The following BLACAT1 variants were observed in gnomAD, a reference collection of about 807,000 sequenced individuals.
The protein encoded by BLACAT1 is BLACAT1 overlapping LEMD1 locus.
At position 205,453,846 on chromosome 1, in the gene BLACAT1, T is replaced by C. The variant is rs538017574; in HGVS notation, c.-37+2071A>G. On this transcript the variant is annotated intron_variant, in intron 1 of 1. Coordinates refer to ENST00000629624, the Ensembl canonical transcript of BLACAT1. The stretch of plus-strand genomic sequence containing the variant: ...TTTTGCCTCTCAGCCAATAAAGCTG[T>C]TAAAGAAAAATATAAGAATGGGTCA... Among the ~76,000 whole-genome samples, 21 of 152,212 alleles carry C rather than the reference T, an allele frequency of 1.4e-4. 1 individual carries two copies. Among genetic ancestry groups the C allele is most frequent in the African/African-American group, 5.1e-4 (21 of 41,540 alleles).
At chr1:205,446,197 A>T (rs1333408666) in intron 1 of BLACAT1, among the ~76,000 whole-genome samples, 1 of 152,230 alleles carries the variant, frequency 6.6e-6, no homozygotes, top group Non-Finnish European at 1.5e-5. Flanking sequence ...ATACAATCAC[A>T]TATCTTCTCC....
intron 1 of BLACAT1, among the ~76,000 whole-genome samples, chr1:205,449,551 G>GA (rs1325269297): frequency 6.6e-6 from 1 of 152,094 alleles, no homozygotes; most frequent in East Asian, 1.9e-4. Context: ...CACTGGACAG[G>GA]AATCCTGCAT....
At chr1:205,447,174 G>T (rs1171933206) in intron 1 of BLACAT1, among the ~76,000 whole-genome samples, 1 of 152,210 alleles carries the variant, frequency 6.6e-6, no homozygotes, top group African/African-American at 2.4e-5. Context: ...GTGGGTTCAC[G>T]TCCCAGTTGT....
chr1:205,445,188 C>G (rs1666363172), intron 1 of BLACAT1, among the ~76,000 whole-genome samples: 1 of 152,088 alleles, frequency 6.6e-6, no homozygotes, highest in Non-Finnish European at 1.5e-5. Flanking sequence ...CCCACCTCCT[C>G]CCTCTCCCTC....
rs1270644352 is a variant in BLACAT1 at position 205,450,231 on chromosome 1, G to C, written c.-37+5686C>G. ...CTGGTCGGTGAAGCACAAACCTCTTGTATCTACTGGCTTTTGATCTCACTC... is the reference window on the plus strand; with the variant it reads ...CTGGTCGGTGAAGCACAAACCTCTTCTATCTACTGGCTTTTGATCTCACTC... On this transcript the variant is annotated intron_variant, in intron 1 of 1. Coordinates refer to ENST00000629624, the Ensembl canonical transcript of BLACAT1. The surrounding 1 kb of genome is among the most constrained non-coding windows in gnomAD (Gnocchi z 4.4). Among the ~76,000 whole-genome samples the C allele has an allele frequency of 6.6e-6, 1 of 151,936 alleles. No homozygotes were observed. Among genetic ancestry groups the C allele is most frequent in the South Asian group, 2.1e-4 (1 of 4,796 alleles).
At chr1:205,439,974 G>A (rs1666266231) in exon 2 of BLACAT1, among the ~76,000 whole-genome samples, 1 of 152,074 alleles carries the variant, frequency 6.6e-6, no homozygotes, top group African/African-American at 2.4e-5. Flanking sequence ...GGTGGGGGAT[G>A]AGGGAAAAAG....
At chr1:205,438,661 G>A (rs1335441194), downstream of BLACAT1, among the ~76,000 whole-genome samples, 3 of 152,202 alleles carry the variant, frequency 2.0e-5, no homozygotes, top group East Asian at 3.8e-4. Flanking sequence ...CAGCTGCAGT[G>A]CTGGCCCCAA....
In BLACAT1 at chr1:205,450,168, G is replaced by A. The variant is rs1387845278; in HGVS notation, c.-37+5749C>T. On this transcript the variant is annotated intron_variant, in intron 1 of 1. Transcript: ENST00000629624. The surrounding 1 kb of genome is among the most constrained non-coding windows in gnomAD (Gnocchi z 4.4). ...CAGGTATTCCTTCAACCCTGACTTG[G>A]GCCTGAGTAACAAAGGTCTCATTGA... Among the ~76,000 whole-genome samples the A allele has an allele frequency of 6.6e-6, 1 of 152,062 alleles. No individual in the cohort carries two copies. Among genetic ancestry groups the A allele is most frequent in the African/African-American group, 2.4e-5 (1 of 41,396 alleles).
chr1:205,443,063 G>A (rs78598433), intron 1 of BLACAT1, among the ~76,000 whole-genome samples: 1,846 of 152,280 alleles, frequency 0.012, 37 homozygotes, highest in African/African-American at 0.042. Context: ...GAGGGCAGGT[G>A]GATTCCCGTG....
rs560295311 is a variant in BLACAT1, at chr1:205,448,236, C to A, written c.-36-7174G>T. The A allele has an allele frequency of 6.1e-6, 3 of 493,008 alleles. No homozygotes were observed. The highest frequency in any genetic ancestry group is 2.0e-5 in the African/African-American group (1 of 50,804). 30.5% of individuals were successfully genotyped at this position (493,008 alleles called of 1,614,324 possible). A position where few individuals can be genotyped will look rare whatever the true frequency, so the allele number is the denominator to read the frequency against. On this transcript the variant is annotated intron_variant, in intron 1 of 1. Coordinates refer to ENST00000629624, the Ensembl canonical transcript of BLACAT1. The surrounding 1 kb of genome is among the most constrained non-coding windows in gnomAD (Gnocchi z 4.7). Reference sequence around the variant, plus strand: ...ATGCCCCACCCCCAAGCAAAGCCTCCTTCTGGTGCCCCTTGGTGGCTGGCT... The same window carrying A: ...ATGCCCCACCCCCAAGCAAAGCCTCATTCTGGTGCCCCTTGGTGGCTGGCT...
At chr1:205,447,491 G>C (rs1180878047) in intron 1 of BLACAT1, among the ~76,000 whole-genome samples, 2 of 152,144 alleles carry the variant, frequency 1.3e-5, no homozygotes, top group East Asian at 3.9e-4. Flanking sequence ...GTAGGAGGCG[G>C]GGTACGAGGA....
chr1:205,448,174 A>G lies in BLACAT1; in HGVS notation c.-36-7112T>C. ...AGGGAAGTGACTGGGCCAAGGTCAC[A>G]CGGCTTAGCCCCGATCCCAGGTTAC... On this transcript the variant is annotated intron_variant, in intron 1 of 1. Coordinates refer to ENST00000629624, the Ensembl canonical transcript of BLACAT1. This position sits in a 1 kb window ranked among gnomAD's most constrained non-coding sequence, Gnocchi z 4.7. 1 of 401,598 alleles carries G rather than the reference A, an allele frequency of 2.5e-6. No homozygotes were observed. The highest frequency in any genetic ancestry group is 2.0e-5 in the South Asian group (1 of 50,838). The allele number at this position is 401,598 out of a possible 1,614,324, so 24.9% of individuals were successfully genotyped here.
At chr1:205,440,353 G>A (rs965244368) in exon 2 of BLACAT1, among the ~76,000 whole-genome samples, 1 of 152,234 alleles carries the variant, frequency 6.6e-6, no homozygotes, top group Non-Finnish European at 1.5e-5. Context: ...TCACTGGGCT[G>A]GCCACCTCAG....
intron 1 of BLACAT1, among the ~76,000 whole-genome samples, chr1:205,442,711 C>T (rs1001673031): frequency 1.3e-5 from 2 of 152,208 alleles, no homozygotes; most frequent in African/African-American, 4.8e-5. Flanking sequence ...ATCATTTACA[C>T]ACCCACTCTG....
At chr1:205,435,327 G>A (rs1382826021), downstream of BLACAT1, 1 of 152,310 alleles carries the variant, frequency 6.6e-6, no homozygotes, top group African/African-American at 2.4e-5. Context: ...ATAAGGAGAG[G>A]ACTAGAAGCT....
chr1:205,447,687 A>C (rs1255070096), intron 1 of BLACAT1, among the ~76,000 whole-genome samples: 22 of 151,960 alleles, frequency 1.4e-4, no homozygotes, highest in Non-Finnish European at 5.9e-5. Flanking sequence ...ACACCGCAGG[A>C]GGGGGCAGCT....
At chr1:205,438,046 G>A (rs1017750654), downstream of BLACAT1, among the ~76,000 whole-genome samples, 1 of 152,174 alleles carries the variant, frequency 6.6e-6, no homozygotes, top group Admixed American at 6.5e-5. Flanking sequence ...TTCAACCTGA[G>A]ACAAGAAGCC....
downstream of BLACAT1, among the ~76,000 whole-genome samples, chr1:205,439,694 T>C (rs902311681): frequency 6.6e-6 from 1 of 152,152 alleles, no homozygotes; most frequent in Non-Finnish European, 1.5e-5. Context: ...GGGTCTGACT[T>C]TGCTCCTTGG....
chr1:205,438,707 G>C (rs1262917446), downstream of BLACAT1, among the ~76,000 whole-genome samples: 1 of 152,118 alleles, frequency 6.6e-6, no homozygotes, highest in Non-Finnish European at 1.5e-5. Context: ...TGCCGGCTTG[G>C]AGGCAGAGGA....
Sources: allele counts gnomAD v4.1 joint callset (sites outside exome capture counted in the v4.1 genomes callset), GRCh38; gene constraint gnomAD v4.1.1; non-coding constraint Gnocchi (gnomAD v3.1); transcripts MANE v1.5; gene names NCBI Gene and HGNC (gene_info 2026-07-23, HGNC 2026-07-21).